The following CAMK1D variants were observed in gnomAD, a reference collection of about 807,000 sequenced individuals.
The protein encoded by CAMK1D is calcium/calmodulin dependent protein kinase ID, also known as calcium/calmodulin-dependent protein kinase type 1D.
A neutral mutation model predicts 47.7 loss-of-function variants in CAMK1D; 9 were observed. The observed-to-expected ratio is 0.19, with a 90% confidence interval of 0.11 to 0.33. The LOEUF is 0.33. Ranked by LOEUF, CAMK1D falls within the 10% of genes least tolerant of loss-of-function variation. The probability of loss-of-function intolerance (pLI) is 1.00; values close to 1 mark genes in which losing one functional copy is unlikely to be tolerated. For missense variants in CAMK1D, 291 were observed against 488.7 expected (o/e 0.60, Z 3.81); for synonymous variants, 184 against 184.9 (o/e 0.99, Z 0.04).
chr10:12,613,599 C>T (rs2399869), intron 2 of CAMK1D, among the ~76,000 whole-genome samples: 23,082 of 152,158 alleles, frequency 0.15, 2,672 homozygotes, highest in African/African-American at 0.33. Flanking sequence ...CTGCCTCAGC[C>T]TTCTGAGTAG....
rs145290995 is a variant in CAMK1D at position 12,690,602 on chromosome 10, T to G, written c.299+23792T>G. On this transcript the variant is annotated intron_variant, in intron 3 of 10. Coordinates refer to ENST00000619168, the MANE Select transcript of CAMK1D (RefSeq NM_153498.4). ...ACAGTGAGGTAGAATTTGGCTCCTA[T>G]GTCAAAAGATGAACTGCAGACGCAC... Among the ~76,000 whole-genome samples, 256 of 152,328 alleles carry G rather than the reference T, an allele frequency of 1.7e-3. 1 individual carries two copies. The Middle Eastern group carries it at 0.017, about 10-fold the overall frequency.
chr10:12,768,174 G>C (rs558186424), intron 4 of CAMK1D, among the ~76,000 whole-genome samples: 1 of 152,162 alleles, frequency 6.6e-6, no homozygotes, highest in Non-Finnish European at 1.5e-5. Flanking sequence ...TGCCTGGCCA[G>C]AGTTTGAGTT....
At chr10:12,559,218 A>C (rs1836859001) in intron 2 of CAMK1D, among the ~76,000 whole-genome samples, 1 of 152,018 alleles carries the variant, frequency 6.6e-6, no homozygotes, top group Non-Finnish European at 1.5e-5. Context: ...AGGTGGGAGG[A>C]TTGCTTGAGC....
intron 1 of CAMK1D, among the ~76,000 whole-genome samples, chr10:12,413,903 C>T (rs1839756945): frequency 6.6e-6 from 1 of 152,096 alleles, no homozygotes; most frequent in Non-Finnish European, 1.5e-5. Flanking sequence ...TTTTAGAAAT[C>T]CAAATGTATT....
chr10:12,440,796 T>C (rs961628125), intron 1 of CAMK1D, among the ~76,000 whole-genome samples: 1 of 152,196 alleles, frequency 6.6e-6, no homozygotes, highest in Non-Finnish European at 1.5e-5. Context: ...AAATGATCTG[T>C]ATATATGATG....
At chr10:12,750,562 G>A (rs1835896576) in intron 3 of CAMK1D, among the ~76,000 whole-genome samples, 1 of 152,164 alleles carries the variant, frequency 6.6e-6, no homozygotes, top group Non-Finnish European at 1.5e-5. Flanking sequence ...CCCACTCCAA[G>A]CTAAAAGGCC....
intron 1 of CAMK1D, among the ~76,000 whole-genome samples, chr10:12,502,236 G>A (rs562017117): frequency 6.6e-6 from 1 of 152,296 alleles, no homozygotes; most frequent in African/African-American, 2.4e-5. Context: ...CAGAGCTTTA[G>A]GAAGGTATTC....
chr10:12,530,489 A>G (rs956023486), intron 1 of CAMK1D, among the ~76,000 whole-genome samples: 2 of 152,190 alleles, frequency 1.3e-5, no homozygotes, highest in African/African-American at 4.8e-5. Flanking sequence ...AACATGGTAG[A>G]TATTCTGGTG....
At chr10:12,787,627 C>T (rs191891265) in intron 5 of CAMK1D, among the ~76,000 whole-genome samples, 20 of 152,244 alleles carry the variant, frequency 1.3e-4, no homozygotes, top group African/African-American at 4.6e-4. Context: ...CCGCAGCTTC[C>T]TTGTCTGTGC....
chr10:12,606,146 A>G (rs2132400622), intron 2 of CAMK1D, among the ~76,000 whole-genome samples: 1 of 152,280 alleles, frequency 6.6e-6, no homozygotes, highest in African/African-American at 2.4e-5. Context: ...CTTTGAGTTA[A>G]CAACGCAGGT....
chr10:12,710,970 A>C (rs1833916538), intron 3 of CAMK1D, among the ~76,000 whole-genome samples: 1 of 152,206 alleles, frequency 6.6e-6, no homozygotes, highest in African/African-American at 2.4e-5. Flanking sequence ...TGGGTGGATT[A>C]AGGTTTTGAA....
intron 2 of CAMK1D, among the ~76,000 whole-genome samples, chr10:12,596,257 A>C (rs1260507132): frequency 6.6e-6 from 1 of 152,094 alleles, no homozygotes; most frequent in African/African-American, 2.4e-5. Context: ...GGCAGCCCTC[A>C]CAAACAGAAG....
At chr10:12,732,668 C>CCA in intron 3 of CAMK1D, among the ~76,000 whole-genome samples, 1 of 119,196 alleles carries the variant, frequency 8.4e-6, no homozygotes, top group African/African-American at 4.0e-5. Context: ...TCAATTACCC[C>CCA]CGCCCCCCCC....
chr10:12,718,576 G>A (rs1458167484), intron 3 of CAMK1D, among the ~76,000 whole-genome samples: 3 of 152,144 alleles, frequency 2.0e-5, no homozygotes, highest in Non-Finnish European at 2.9e-5. Flanking sequence ...TTAGAATAAT[G>A]CCCTAAACTT....
At chr10:12,515,855 C>T (rs1461089894) in intron 1 of CAMK1D, among the ~76,000 whole-genome samples, 1 of 152,048 alleles carries the variant, frequency 6.6e-6, no homozygotes, top group African/African-American at 2.4e-5. Flanking sequence ...TTGTGATCCC[C>T]CTGCCTCGGC....
rs542225216 is a variant in CAMK1D at position 12,588,605 on chromosome 10, C to G, written c.224+35249C>G. ...CTGGCATGCAGATCTCCTGCCCCAC[C>G]ACCTGCACCTGCTCAACGCTCTCCC... On this transcript the variant is annotated intron_variant, in intron 2 of 10. Transcript: ENST00000619168. Among the ~76,000 whole-genome samples, 7 of 152,144 alleles carry G rather than the reference C, an allele frequency of 4.6e-5. No homozygotes were observed. The East Asian group carries it at 1.4e-3, about 30-fold the overall frequency.
chr10:12,826,576 G>C (rs893886564), intron 10 of CAMK1D, among the ~76,000 whole-genome samples: 1 of 152,156 alleles, frequency 6.6e-6, no homozygotes, highest in Admixed American at 6.5e-5. Flanking sequence ...CCCTTCCCAT[G>C]GGTCCTCTCC....
At chr10:12,421,359 C>T (rs926549472) in intron 1 of CAMK1D, among the ~76,000 whole-genome samples, 1 of 152,030 alleles carries the variant, frequency 6.6e-6, no homozygotes, top group African/African-American at 2.4e-5. Flanking sequence ...GTGCTTTGCC[C>T]GATGATGTCC....
At chr10:12,407,757 A>G (rs1008032496) in intron 1 of CAMK1D, among the ~76,000 whole-genome samples, 10 of 152,268 alleles carry the variant, frequency 6.6e-5, no homozygotes, top group East Asian at 1.9e-4. Context: ...GCATTTTACA[A>G]TGATTCAAGC....
Sources: gnomAD v4.1 joint callset for allele counts (sites outside exome capture counted in the v4.1 genomes callset) on GRCh38, gnomAD v4.1.1 for gene constraint, MANE v1.5 for transcripts, NCBI Gene and HGNC (gene_info 2026-07-23, HGNC 2026-07-21) for gene names.